The following WAPL variants were observed in gnomAD, a reference collection of about 807,000 sequenced individuals.
WAPL encodes WAPL cohesin release factor, also known as wings apart-like protein homolog.
Under a neutral mutation model 121.0 loss-of-function variants are expected in WAPL, and 5 were observed. The ratio of observed to expected loss-of-function variants is 0.04; its 90% CI spans 0.02 to 0.09. The LOEUF is 0.09. Among genes scored for constraint, WAPL ranks in the 10% least tolerant of loss-of-function variants. The pLI is 1.00. For synonymous variants in WAPL, 480 were observed against 481.5 expected (o/e 1.00, Z 0.04); for missense variants, 999 against 1,410.8 (o/e 0.71, Z 4.68).
intron 4 of WAPL, among the ~76,000 whole-genome samples, chr10:86,478,582 A>T (rs887930101): frequency 3.3e-5 from 5 of 151,166 alleles, no homozygotes; most frequent in African/African-American, 1.2e-4. Flanking sequence ...TAAATATATT[A>T]TTCTTTTGTA....
At chr10:86,445,954 T>A (rs527808352) in intron 16 of WAPL, among the ~76,000 whole-genome samples, 1 of 152,220 alleles carries the variant, frequency 6.6e-6, no homozygotes, top group East Asian at 1.9e-4. Context: ...TCCTATTATG[T>A]CTCCTATATG....
rs754801490 is a variant in WAPL at position 86,460,450 on chromosome 10, T to A, written c.2529A>T (p.Lys843Asn). The A allele has an allele frequency of 2.5e-5, 41 of 1,613,710 alleles. No individual in the cohort carries two copies. The highest frequency in any genetic ancestry group is 4.2e-6 in the Non-Finnish European group (5 of 1,180,000). The change falls in exon 11 of 19, where the codon AAA (lysine) becomes AAT (asparagine). Residue 843 changes from lysine (K) to asparagine (N), a missense_variant. By Grantham distance (94) the Lys-to-Asn change is moderately conservative (BLOSUM62 0). Around this residue, in one of 7 missense-constraint regions of WAPL, gnomAD observed 118 missense variants for 318.3 expected, o/e 0.37. Transcript: ENST00000298767. Reference sequence around the variant, plus strand: ...CTGCTCCCCATAGTGAGGCTACCAGTTTCTCTTCATCCTCATCTCTACTTA... The same window carrying A: ...CTGCTCCCCATAGTGAGGCTACCAGATTCTCTTCATCCTCATCTCTACTTA... ...DHLSRDEDEE[K>N]LVASLWGAER...
chr10:86,499,339 G>T (rs1842203288), intron 3 of WAPL, among the ~76,000 whole-genome samples: 1 of 152,132 alleles, frequency 6.6e-6, no homozygotes, highest in Non-Finnish European at 1.5e-5. Context: ...CTATGCAGCT[G>T]TTGATTCAAG....
chr10:86,480,719 T>C (rs573860877), intron 4 of WAPL, among the ~76,000 whole-genome samples: 1 of 152,370 alleles, frequency 6.6e-6, no homozygotes, highest in East Asian at 1.9e-4. Context: ...AATGCTCACA[T>C]AGATTTCTCA....
intron 4 of WAPL, among the ~76,000 whole-genome samples, chr10:86,488,788 C>T (rs1841979518): frequency 6.6e-6 from 1 of 152,124 alleles, no homozygotes; most frequent in Admixed American, 6.6e-5. Context: ...AAAATATCTA[C>T]CTAACACTAC....
At position 86,453,645 on chromosome 10, in the gene WAPL, A is replaced by G. The variant is rs777355845; in HGVS notation, c.2833+11T>C. The G allele has an allele frequency of 6.3e-7, 1 of 1,589,530 alleles. No homozygotes were observed. Among genetic ancestry groups the G allele is most frequent in the Non-Finnish European group, 8.5e-7 (1 of 1,170,702 alleles). On this transcript the variant is annotated intron_variant, in intron 13 of 18. Transcript: ENST00000298767. ...ATCTTTCAATGAGAAAAAAATGGAA[A>G]AAAATCTTACCATTATCATTAGTTA...
At chr10:86,478,451 C>T (rs1841709864) in intron 4 of WAPL, among the ~76,000 whole-genome samples, 1 of 151,990 alleles carries the variant, frequency 6.6e-6, no homozygotes, top group Non-Finnish European at 1.5e-5. Flanking sequence ...AGGATGGATT[C>T]TGTGTGCTAG....
chr10:86,521,019 G>C (rs1842664931), intron 1 of WAPL, among the ~76,000 whole-genome samples: 1 of 152,018 alleles, frequency 6.6e-6, no homozygotes, highest in Admixed American at 6.5e-5. Context: ...AGGAAAGGGA[G>C]GTCACTTTCG....
intron 5 of WAPL, 123 bp downstream of exon 5, chr10:86,473,755 A>C: frequency 1.4e-6 from 1 of 736,928 alleles, no homozygotes; most frequent in Non-Finnish European, 2.1e-6. Flanking sequence ...AGTTTCAGTA[A>C]AGAAAGCCAA....
At chr10:86,478,447 G>A (rs1486705567) in intron 4 of WAPL, among the ~76,000 whole-genome samples, 1 of 151,978 alleles carries the variant, frequency 6.6e-6, no homozygotes, top group Non-Finnish European at 1.5e-5. Flanking sequence ...AAAAAGGATG[G>A]ATTCTGTGTG....
chr10:86,449,470 G>C (rs1037913226), intron 15 of WAPL, among the ~76,000 whole-genome samples: 4 of 152,196 alleles, frequency 2.6e-5, no homozygotes, highest in African/African-American at 9.7e-5. Context: ...GAAAGACAGA[G>C]AAGATATAGG....
chr10:86,494,957 C>T (rs571960989), intron 4 of WAPL, among the ~76,000 whole-genome samples: 1 of 152,074 alleles, frequency 6.6e-6, no homozygotes, highest in African/African-American at 2.4e-5. Flanking sequence ...ACCTAAGCAC[C>T]TGGGAGTGCA....
At chr10:86,439,175 C>T (rs565784659) in intron 17 of WAPL, among the ~76,000 whole-genome samples, 1 of 152,154 alleles carries the variant, frequency 6.6e-6, no homozygotes, top group African/African-American at 2.4e-5. Flanking sequence ...CTACCCACCC[C>T]CTTTTTCCTA....
rs1589532607 is a variant in WAPL, at chr10:86,500,027, T to C, written c.1216A>G (p.Thr406Ala). ...GRLRKKADIA[T>A]SKTTTRFRPS... ...CGAAATCTAGTAGTAGTCTTAGAAG[T>C]TGCAATATCTGCCTTTTTTCTGAGA... The change falls in exon 3 of 19, where the codon ACT (threonine) becomes GCT (alanine). Residue 406 changes from threonine to alanine, a missense_variant. Physicochemically the swap from Thr to Ala is moderately conservative, Grantham distance 58. Transcript: ENST00000298767. The C allele has an allele frequency of 6.2e-7, 1 of 1,614,176 alleles. No individual in the cohort carries two copies. The highest frequency in any genetic ancestry group is 8.5e-7 in the Non-Finnish European group (1 of 1,180,026).
chr10:86,448,069 A>G (rs1212623443), intron 15 of WAPL, among the ~76,000 whole-genome samples: 2 of 152,156 alleles, frequency 1.3e-5, no homozygotes, highest in African/African-American at 2.4e-5. Context: ...AAAAAAAAGA[A>G]AAGTATGGCC....
intron 2 of WAPL, among the ~76,000 whole-genome samples, chr10:86,516,491 T>C (rs1194655671): frequency 1.3e-5 from 2 of 152,204 alleles, no homozygotes; most frequent in Non-Finnish European, 2.9e-5. Context: ...GAGATTTTTA[T>C]AACCTCTCAT....
intron 12 of WAPL, 94 bp downstream of exon 12, chr10:86,458,895 A>G (rs1003994436): frequency 1.0e-6 from 1 of 961,980 alleles, no homozygotes; most frequent in Non-Finnish European, 1.6e-6. Flanking sequence ...CATTTCATGG[A>G]GGAAGCTAAT....
chr10:86,519,503 C>A (rs938427549), intron 1 of WAPL, among the ~76,000 whole-genome samples: 3 of 152,076 alleles, frequency 2.0e-5, no homozygotes, highest in Non-Finnish European at 4.4e-5. Flanking sequence ...TAGACCCCCC[C>A]CCATGTTTGG....
intron 2 of WAPL, among the ~76,000 whole-genome samples, chr10:86,505,577 G>T (rs1842334046): frequency 6.6e-6 from 1 of 151,850 alleles, no homozygotes; most frequent in Non-Finnish European, 1.5e-5. Context: ...ATGAGCCACC[G>T]CGCCCGGTCA....
Sources: allele counts gnomAD v4.1 joint callset (sites outside exome capture counted in the v4.1 genomes callset), GRCh38; gene constraint gnomAD v4.1.1; regional missense constraint gnomAD v4.1.1; transcripts MANE v1.5; gene names NCBI Gene and HGNC (gene_info 2026-07-23, HGNC 2026-07-21).